The following PRDX5 variants were observed in gnomAD, a reference collection of about 807,000 sequenced individuals.
The protein encoded by PRDX5 is peroxiredoxin 5.
A neutral mutation model predicts 23.8 loss-of-function variants in PRDX5; 21 were observed. That is an observed-to-expected ratio of 0.88 (90% CI 0.63 to 1.27). The LOEUF (loss-of-function observed/expected upper bound fraction) is 1.27. Among genes scored for constraint, PRDX5 ranks in the 50% most tolerant of loss-of-function variants. PRDX5 has a pLI of 0.00. For missense variants in PRDX5, 261 were observed against 270.6 expected (o/e 0.96, Z 0.25); for synonymous variants, 111 against 113.3 (o/e 0.98, Z 0.13).
At position 64,318,259 on chromosome 11, in the gene PRDX5, A is replaced by C. The variant is rs372637504; in HGVS notation, c.44A>C (p.Tyr15Ser). 6.8e-6 allele frequency: 11 copies of C among 1,612,180 alleles called. No homozygotes were observed. Residue 15 changes from tyrosine to serine, a missense_variant, in exon 1 of 6, where the codon TAT becomes TCT. Physicochemically the swap from Tyr to Ser is moderately radical, Grantham distance 144. Transcript: ENST00000265462. ...TGCGCCCTGAGACGCTCAGCGGGCT[A>C]TATACTCGTCGGTGGGGCCGGCGGT... ...GVCALRRSAG[Y>S]ILVGGAGGQS...
At position 64,318,220 on chromosome 11, in the gene PRDX5, G is replaced by C; in HGVS notation, c.5G>C (p.Gly2Ala). 6.2e-7 allele frequency: 1 copy of C among 1,611,692 alleles called. No individual in the cohort carries two copies. Among genetic ancestry groups the C allele is most frequent in the South Asian group, 1.1e-5 (1 of 90,994 alleles). Reference sequence around the variant, plus strand: ...GGAAGTGGCCGTGGGGCGGGTATGGGACTAGCTGGCGTGTGCGCCCTGAGA... The same window carrying C: ...GGAAGTGGCCGTGGGGCGGGTATGGCACTAGCTGGCGTGTGCGCCCTGAGA... M[G>A]LAGVCALRRS... is the part of the protein sequence containing the mutation. Residue 2 changes from glycine to alanine, a missense_variant, in exon 1 of 6, where the codon GGA becomes GCA. Transcript: ENST00000265462.
chr11:64,319,922 T>C (rs2035445645), intron 2 of PRDX5, 54 bp downstream of exon 2: 15 of 1,599,428 alleles, frequency 9.4e-6, no homozygotes, highest in Non-Finnish European at 1.3e-5. Context: ...GTGTTGCTCT[T>C]AAGTCCTCCA....
In PRDX5 at chr11:64,320,894, C is replaced by CTT; in HGVS notation, c.470_471dup (p.Gly158LeufsTer9). ...GGCTCCTGGCTGATCCCACTGGGGC[C>CTT]TTTGGGAAGGTGAGTGTTCCCCTGA... On this transcript the variant is annotated frameshift_variant, in exon 4 of 6. Coordinates refer to ENST00000265462, the MANE Select transcript of PRDX5 (RefSeq NM_012094.5). LOFTEE classifies it high-confidence loss of function. 1 of 1,614,204 alleles carries CTT rather than the reference C, an allele frequency of 6.2e-7. No individual in the cohort carries two copies. The highest frequency in any genetic ancestry group is 8.5e-7 in the Non-Finnish European group (1 of 1,180,036).
At chr11:64,320,115 TA>T (rs1285283724) in intron 2 of PRDX5, among the ~76,000 whole-genome samples, 1 of 151,960 alleles carries the variant, frequency 6.6e-6, no homozygotes, top group Non-Finnish European at 1.5e-5. Flanking sequence ...CTGTCTCTAC[TA>T]AAAATGCAAA....
At position 64,320,939 on chromosome 11, in the gene PRDX5, G is replaced by A. The variant is rs779212146; in HGVS notation, c.477+36G>A. The A allele has an allele frequency of 3.2e-5, 52 of 1,613,892 alleles. No homozygotes were observed. In the Middle Eastern group the frequency reaches 6.6e-4, roughly 20 times the overall value. On this transcript the variant is annotated intron_variant, in intron 4 of 5. Transcript: ENST00000265462. Reference sequence around the variant, plus strand: ...CCCTGACCGCCACAGGGACATGGCAGTGCGGGGAGCAGTGGGGGCCCTTAG... The same window carrying A: ...CCCTGACCGCCACAGGGACATGGCAATGCGGGGAGCAGTGGGGGCCCTTAG...
Position 64,318,331 on chromosome 11 carries a change from C to T in PRDX5, c.116C>T (p.Ala39Val). 6.2e-7 allele frequency: 1 copy of T among 1,612,412 alleles called. No individual in the cohort carries two copies. The highest frequency in any genetic ancestry group is 8.5e-7 in the Non-Finnish European group (1 of 1,179,740). The change falls in exon 1 of 6, where the codon GCG (alanine) becomes GTG (valine). Residue 39 changes from alanine (A) to valine (V), a missense_variant. Transcript: ENST00000265462. Reference sequence around the variant, plus strand: ...AGACGGTACAGTGAAGGAGAGTGGGCGTCTGGCGGGGTCCGCAGTTTCAGC... The same window carrying T: ...AGACGGTACAGTGAAGGAGAGTGGGTGTCTGGCGGGGTCCGCAGTTTCAGC... The part of the protein sequence containing the change: ...AARRYSEGEW[A>V]SGGVRSFSRA...
At chr11:64,320,337 GA>G (rs2035460049) in intron 2 of PRDX5, among the ~76,000 whole-genome samples, 1 of 151,298 alleles carries the variant, frequency 6.6e-6, no homozygotes, top group Non-Finnish European at 1.5e-5. Flanking sequence ...ACAGTACCAG[GA>G]ATGTTGGAGA....
intron 2 of PRDX5, 137 bp downstream of exon 2, chr11:64,320,005 C>A: frequency 7.7e-7 from 1 of 1,291,770 alleles, no homozygotes; most frequent in East Asian, 2.5e-5. Context: ...TAGAGCTGGG[C>A]GCGGTGGCTC....
In PRDX5 at chr11:64,320,870, G is replaced by T; in HGVS notation, c.444G>T (p.Arg148=). ...GACCTTTACTTTCTCTGCAGGTTCGGCTCCTGGCTGATCCCACTGGGGCCT... is the reference window on the plus strand; with the variant it reads ...GACCTTTACTTTCTCTGCAGGTTCGTCTCCTGGCTGATCCCACTGGGGCCT... ...GRAHKAEGKV[R]LLADPTGAFG... The change falls in exon 4 of 6, where the codon CGG becomes CGT. Residue 148 remains arginine, a synonymous_variant. Transcript: ENST00000265462. 1 of 1,614,238 alleles carries T rather than the reference G, an allele frequency of 6.2e-7. No homozygotes were observed. The highest frequency in any genetic ancestry group is 1.1e-5 in the South Asian group (1 of 91,084).
rs754700723 is a variant in PRDX5 at position 64,320,712 on chromosome 11, G to A, written c.358G>A (p.Val120Ile). Reference protein sequence around the residue: ...EQAEALKAKGVQVVACLSVND... With the variant: ...EQAEALKAKGIQVVACLSVND... ...GGCTGAGGCTCTGAAGGCCAAGGGA[G>A]TCCAGGTGGTGGCCTGTCTGAGTGT... The change falls in exon 3 of 6, where the codon GTC becomes ATC. Residue 120 changes from valine (V) to isoleucine (I), a missense_variant. Transcript: ENST00000265462. 3.1e-6 allele frequency: 5 copies of A among 1,613,702 alleles called. No homozygotes were observed. The East Asian group carries it at 1.1e-4, about 36-fold the overall frequency.
At chr11:64,321,565 C>G in intron 5 of PRDX5, 21 bp from the exon 6 acceptor site, 1 of 1,609,784 alleles carries the variant, frequency 6.2e-7, no homozygotes, top group Non-Finnish European at 8.5e-7. Flanking sequence ...ATGCAGCTGG[C>G]TGGGCCCCTC....
chr11:64,320,805 G>T lies in PRDX5; in HGVS notation c.438+13G>T. The T allele has an allele frequency of 6.2e-7, 1 of 1,614,200 alleles. No individual in the cohort carries two copies. The highest frequency in any genetic ancestry group is 8.5e-7 in the Non-Finnish European group (1 of 1,180,028). ...GGCGGAAGGCAAGGTGAGGTGAGGG[G>T]CCTGCAGGGAGTCAGGACCAGGTAG... is the stretch of plus-strand genomic sequence containing the variant. On this transcript the variant is annotated intron_variant, in intron 3 of 5. Coordinates refer to ENST00000265462, the MANE Select transcript of PRDX5 (RefSeq NM_012094.5).
chr11:64,318,946 G>A (rs1184068904), intron 1 of PRDX5, among the ~76,000 whole-genome samples: 2 of 147,580 alleles, frequency 1.4e-5, no homozygotes, highest in East Asian at 2.0e-4. Context: ...GTCCCTTAGC[G>A]CCCCCGCGGG....
intron 1 of PRDX5, 28 bp downstream of exon 1, chr11:64,318,414 A>G (rs750723219): frequency 6.3e-7 from 1 of 1,584,840 alleles, no homozygotes; most frequent in South Asian, 1.1e-5. Flanking sequence ...CGGGCCTGAC[A>G]TCCCCCACTA....
intron 3 of PRDX5, 35 bp downstream of exon 3, chr11:64,320,827 G>C: frequency 6.2e-7 from 1 of 1,614,228 alleles, no homozygotes; most frequent in Non-Finnish European, 8.5e-7. Context: ...TCAGGACCAG[G>C]TAGGATATTC....
chr11:64,320,061 C>T (rs1471397394), intron 2 of PRDX5, among the ~76,000 whole-genome samples, 193 bp downstream of exon 2: 1 of 152,066 alleles, frequency 6.6e-6, no homozygotes, highest in Non-Finnish European at 1.5e-5. Context: ...GGGTGGATCA[C>T]GAGGTCAGGA....
At position 64,321,679 on chromosome 11, in the gene PRDX5, C is replaced by G. The variant is rs746716626; in HGVS notation, c.633C>G (p.Ile211Met). 1.3e-6 allele frequency: 2 copies of G among 1,582,182 alleles called. No individual in the cohort carries two copies. The highest frequency in any genetic ancestry group is 2.3e-5 in the South Asian group (2 of 87,810). The change falls in exon 6 of 6, where the codon ATC (isoleucine) becomes ATG (methionine). Residue 211 changes from isoleucine (I) to methionine (M), a missense_variant. By Grantham distance (10) the Ile-to-Met change is conservative. Transcript: ENST00000265462. ...GLTCSLAPNI[I>M]SQL ...CCTGCAGCCTGGCACCCAATATCAT[C>G]TCACAGCTCTGAGGCCCTGGGCCAG...
In PRDX5 at chr11:64,318,255, G is replaced by A. The variant is rs201569388; in HGVS notation, c.40G>A (p.Gly14Ser). ...CGTGTGCGCCCTGAGACGCTCAGCG[G>A]GCTATATACTCGTCGGTGGGGCCGG... is the stretch of plus-strand genomic sequence containing the variant. Reference protein sequence around the residue: ...AGVCALRRSAGYILVGGAGGQ... With the variant: ...AGVCALRRSASYILVGGAGGQ... The change falls in exon 1 of 6, where the codon GGC becomes AGC. Residue 14 changes from glycine to serine, a missense_variant. Transcript: ENST00000265462. 3 of 1,612,270 alleles carry A rather than the reference G, an allele frequency of 1.9e-6. No homozygotes were observed. Among genetic ancestry groups the A allele is most frequent in the East Asian group, 4.5e-5 (2 of 44,876 alleles).
In PRDX5 at chr11:64,318,370, C is replaced by T. The variant is rs2035376453; in HGVS notation, c.155C>T (p.Ala52Val). The T allele has an allele frequency of 6.2e-7, 1 of 1,608,484 alleles. No homozygotes were observed. The highest frequency in any genetic ancestry group is 1.3e-5 in the African/African-American group (1 of 74,824). ...GVRSFSRAAA[A>V]MAPIKVGDAI... The stretch of plus-strand genomic sequence containing the variant: ...CGCAGTTTCAGCAGAGCCGCTGCAG[C>T]CATGGCCCCAATCAAGGTGACCGCT... The change falls in exon 1 of 6, where the codon GCC (alanine) becomes GTC (valine). Residue 52 changes from alanine (A) to valine (V), a missense_variant. Physicochemically the swap from Ala to Val is moderately conservative, Grantham distance 64. Coordinates refer to ENST00000265462, the MANE Select transcript of PRDX5 (RefSeq NM_012094.5).
Sources: gnomAD v4.1 joint callset for allele counts (sites outside exome capture counted in the v4.1 genomes callset) on GRCh38, gnomAD v4.1.1 for gene constraint, MANE v1.5 for transcripts, NCBI Gene and HGNC (gene_info 2026-07-23, HGNC 2026-07-21) for gene names.